The following TRIM2 variants were observed in gnomAD, a reference collection of about 807,000 sequenced individuals.
TRIM2 encodes tripartite motif-containing protein 2.
TRIM2 carries 20 observed loss-of-function variants against 75.2 expected under a neutral mutation model. The ratio of observed to expected loss-of-function variants is 0.27; its 90% CI spans 0.19 to 0.39. The LOEUF (loss-of-function observed/expected upper bound fraction) is 0.39, where lower values mean the gene tolerates loss of function less well. Among genes scored for constraint, TRIM2 ranks in the 10% least tolerant of loss-of-function variants. The pLI is 1.00. For missense variants in TRIM2, 660 were observed against 990.8 expected, an observed-to-expected ratio of 0.67 and a Z score of 4.48; for synonymous variants, 373 against 388.3, an observed-to-expected ratio of 0.96 and a Z score of 0.46.
At position 153,169,098 on chromosome 4, in the gene TRIM2, T is replaced by C. The variant is rs146959154; in HGVS notation, c.-49+15828T>C. On this transcript the variant is annotated intron_variant, in intron 1 of 11. Coordinates refer to the TRIM2 transcript ENST00000437508. ...ATCTCAAAAAAAAAAGTCTTTAAAA[T>C]ACATTCTCATAGTGTTGATTCTTCT... 3.6e-3 allele frequency among the ~76,000 whole-genome samples: 546 copies of C among 152,238 alleles called. 6 individuals carry two copies. The highest frequency in any genetic ancestry group is 0.013 in the African/African-American group (523 of 41,552).
chr4:153,277,734 A>G (rs1183089439), intron 3 of TRIM2, among the ~76,000 whole-genome samples: 22 of 152,224 alleles, frequency 1.4e-4, no homozygotes, highest in Admixed American at 1.4e-3. Context: ...GGTAGCCAAA[A>G]CAAGAGAAGG....
Position 153,336,063 on chromosome 4 carries a change from T to C in TRIM2, c.*1097T>C. 1 of 985,684 alleles carries C rather than the reference T, an allele frequency of 1.0e-6. No individual in the cohort carries two copies. Among genetic ancestry groups the C allele is most frequent in the Non-Finnish European group, 1.2e-6 (1 of 829,872 alleles). The allele number at this position is 985,684 out of a possible 1,614,324, so 61.1% of individuals were successfully genotyped here. ...TGGTTATTTATCATTGTTTAATGAATAGTAGAGGTGTCAAGGGACTATGTA... is the reference window on the plus strand; with the variant it reads ...TGGTTATTTATCATTGTTTAATGAACAGTAGAGGTGTCAAGGGACTATGTA... On this transcript the variant is annotated 3_prime_UTR_variant, in exon 12 of 12. Coordinates refer to ENST00000338700, the MANE Select transcript of TRIM2 (RefSeq NM_015271.5).
In TRIM2 at chr4:153,325,543, A is replaced by G. The variant is rs112097962; in HGVS notation, c.2022+1395A>G. 6.9e-3 allele frequency among the ~76,000 whole-genome samples: 1,044 copies of G among 152,352 alleles called. 13 individuals carry two copies. The highest frequency in any genetic ancestry group is 0.023 in the African/African-American group (964 of 41,592). ...AACCGGGCTGGGGACTGCCTCCCCA[A>G]GAGTTATAACAGTGCTGGAGAATGA... On this transcript the variant is annotated intron_variant, in intron 10 of 11. Transcript: ENST00000338700.
intron 1 of TRIM2, among the ~76,000 whole-genome samples, chr4:153,224,318 C>G (rs1413989627): frequency 2.6e-5 from 4 of 152,196 alleles, no homozygotes; most frequent in African/African-American, 9.7e-5. Flanking sequence ...ACTCCACCTC[C>G]CTTCTCCCTT....
chr4:153,158,207 G>A (rs1387264342), intron 1 of TRIM2, among the ~76,000 whole-genome samples: 1 of 152,124 alleles, frequency 6.6e-6, no homozygotes, highest in African/African-American at 2.4e-5. Context: ...TTGTTGTGGT[G>A]GTAGCAGAAA....
rs35952882 is a variant in TRIM2, at chr4:153,260,696, C to A, written c.31-9639C>A. 6.1e-3 allele frequency among the ~76,000 whole-genome samples: 353 copies of A among 58,066 alleles called. 5 individuals carry two copies. The highest frequency in any genetic ancestry group is 0.013 in the African/African-American group (227 of 17,338). The allele number at this position is 58,066 out of a possible 152,430, so 38.1% of individuals were successfully genotyped here. On this transcript the variant is annotated intron_variant, in intron 1 of 11. Transcript: ENST00000338700. ...CACACCCACCCACACACCCACCCCC[C>A]CCCCCACACACACACACACACACAC...
chr4:153,322,610 C>T (rs920507872), intron 8 of TRIM2, 38 bp from the exon 9 acceptor site: 1 of 1,601,328 alleles, frequency 6.2e-7, no homozygotes, highest in South Asian at 1.1e-5. Flanking sequence ...AACTTTGACT[C>T]TATACTGTAC....
intron 1 of TRIM2, among the ~76,000 whole-genome samples, chr4:153,219,194 G>T (rs1233846164): frequency 6.6e-6 from 1 of 152,236 alleles, no homozygotes; most frequent in Middle Eastern, 3.4e-3. Context: ...CTATTTCAAA[G>T]AGGTGCATTT....
intron 1 of TRIM2, among the ~76,000 whole-genome samples, chr4:153,190,861 C>A (rs1457562284): frequency 6.6e-6 from 1 of 152,064 alleles, no homozygotes; most frequent in Admixed American, 6.5e-5. Flanking sequence ...CCTCAGCACC[C>A]CGGGTAGCTG....
At chr4:153,275,539 A>G (rs1454843070) in intron 2 of TRIM2, among the ~76,000 whole-genome samples, 1 of 152,248 alleles carries the variant, frequency 6.6e-6, no homozygotes, top group East Asian at 1.9e-4. Flanking sequence ...TGCAAATCAC[A>G]TGGGGAGCTG....
intron 1 of TRIM2, among the ~76,000 whole-genome samples, chr4:153,229,363 A>C (rs1156607689): frequency 2.0e-5 from 3 of 152,156 alleles, no homozygotes; most frequent in African/African-American, 7.2e-5. Flanking sequence ...TCCCGGGTTT[A>C]AACAATTATC....
chr4:153,226,153 G>A (rs185619884), intron 1 of TRIM2, among the ~76,000 whole-genome samples: 52 of 152,278 alleles, frequency 3.4e-4, no homozygotes, highest in African/African-American at 1.1e-3. Context: ...TTATAGGCTC[G>A]AGCCACTGTG....
At chr4:153,246,040 A>G (rs1314542544) in intron 1 of TRIM2, among the ~76,000 whole-genome samples, 1 of 152,192 alleles carries the variant, frequency 6.6e-6, no homozygotes, top group Non-Finnish European at 1.5e-5. Context: ...TGCAACGGAT[A>G]CTGTATTGAC....
At chr4:153,269,258 A>C (rs1756036809) in intron 1 of TRIM2, among the ~76,000 whole-genome samples, 1 of 152,230 alleles carries the variant, frequency 6.6e-6, no homozygotes, top group African/African-American at 2.4e-5. Flanking sequence ...ATTGCGGAGA[A>C]CTGCCTAGAC....
chr4:153,278,225 C>G (rs754287014), intron 3 of TRIM2, among the ~76,000 whole-genome samples: 6 of 152,142 alleles, frequency 3.9e-5, no homozygotes, highest in Non-Finnish European at 8.8e-5. Context: ...CCACCTCAGT[C>G]CTGTCCTCTG....
At chr4:153,176,680 G>A (rs1023917893) in intron 1 of TRIM2, among the ~76,000 whole-genome samples, 14 of 151,884 alleles carry the variant, frequency 9.2e-5, no homozygotes, top group Admixed American at 3.9e-4. Flanking sequence ...GCACAATTTC[G>A]GCTCACCACA....
rs1472729884 is a variant in TRIM2 at position 153,334,890 on chromosome 4, C to T, written c.2240C>T (p.Ala747Val). ...ADPLYGPQGLALTSDGHVVVA... is the reference protein window; with the variant it reads ...ADPLYGPQGLVLTSDGHVVVA... ...CCACTCTATGGCCCCCAAGGCCTGG[C>T]CCTAACTTCAGATGGTCATGTTGTG... The change falls in exon 12 of 12, where the codon GCC (alanine) becomes GTC (valine). Residue 747 changes from alanine to valine, a missense_variant. Coordinates refer to ENST00000338700, the MANE Select transcript of TRIM2 (RefSeq NM_015271.5). 6.2e-7 allele frequency: 1 copy of T among 1,614,002 alleles called. No homozygotes were observed. Among genetic ancestry groups the T allele is most frequent in the East Asian group, 2.2e-5 (1 of 44,888 alleles).
intron 1 of TRIM2, among the ~76,000 whole-genome samples, chr4:153,158,090 C>G (rs1298723803): frequency 6.6e-6 from 1 of 152,138 alleles, no homozygotes; most frequent in Non-Finnish European, 1.5e-5. Flanking sequence ...CTAGAGCTTT[C>G]CTGTTGGCTC....
intron 1 of TRIM2, 38 bp from the exon 2 acceptor site, chr4:153,270,297 C>A: frequency 1.3e-6 from 2 of 1,586,380 alleles, no homozygotes; most frequent in South Asian, 2.3e-5. Context: ...ACCTACAGAT[C>A]ATTATATGTT....
Sources: gnomAD v4.1 joint callset for allele counts (sites outside exome capture counted in the v4.1 genomes callset) on GRCh38, gnomAD v4.1.1 for gene constraint, MANE v1.5 for transcripts, NCBI Gene and HGNC (gene_info 2026-07-23, HGNC 2026-07-21) for gene names.